CPQ: variants seen among roughly 807,000 people sequenced by gnomAD.
CPQ encodes the protein Ser-Met dipeptidase.
Under a neutral mutation model 45.7 loss-of-function variants are expected in CPQ, and 37 were observed. The observed-to-expected ratio is 0.81, with a 90% CI of 0.62 to 1.07. The LOEUF (loss-of-function observed/expected upper bound fraction) is 1.07. Ranked by LOEUF, CPQ falls within the 50% of genes least tolerant of loss-of-function variation. The probability of loss-of-function intolerance (pLI) is 0.00; values close to 1 mark genes in which losing one functional copy is unlikely to be tolerated. For synonymous variants in CPQ, 186 were observed against 205.8 expected (o/e 0.90, Z 0.82); for missense variants, 537 against 572.9 (o/e 0.94, Z 0.64).
chr8:97,122,941 T>TA (rs1231052303), intron 7 of CPQ, among the ~76,000 whole-genome samples: 2 of 50,034 alleles, frequency 4.0e-5, no homozygotes, highest in East Asian at 7.5e-4. Flanking sequence ...TAAAATAAAA[T>TA]AAAATAAAAT....
chr8:96,880,499 T>A (rs1812206217), intron 4 of CPQ, among the ~76,000 whole-genome samples: 1 of 133,730 alleles, frequency 7.5e-6, no homozygotes, highest in Non-Finnish European at 1.6e-5. Flanking sequence ...GTGGGCTGGC[T>A]AAAAAACAAA....
chr8:96,965,229 A>T lies in CPQ; in HGVS notation c.850-706A>T, dbSNP rs1669628905. Among the ~76,000 whole-genome samples the T allele has an allele frequency of 2.6e-5, 4 of 152,242 alleles. No individual in the cohort carries two copies. The East Asian group carries it at 7.7e-4, about 29-fold the overall frequency. On this transcript the variant is annotated intron_variant, in intron 4 of 7. Transcript: ENST00000220763. ...CTCATTTTCTCATTTAAATCAATTC[A>T]ACACATGTTTATTACGTTTCTTCTA...
chr8:97,099,026 AT>A (rs1811255667), intron 7 of CPQ, among the ~76,000 whole-genome samples: 1 of 141,438 alleles, frequency 7.1e-6, no homozygotes, highest in African/African-American at 2.6e-5. Flanking sequence ...GCAACCCGGT[AT>A]TTTTTTCACC....
At chr8:96,870,919 A>G (rs1368928699) in intron 3 of CPQ, among the ~76,000 whole-genome samples, 1 of 152,058 alleles carries the variant, frequency 6.6e-6, no homozygotes, top group Admixed American at 6.6e-5. Context: ...AACAGGAAGA[A>G]GAAAACCACT....
At chr8:97,046,944 G>A (rs1051810557) in intron 6 of CPQ, among the ~76,000 whole-genome samples, 5 of 152,094 alleles carry the variant, frequency 3.3e-5, no homozygotes, top group South Asian at 2.1e-4. Context: ...TTTTTTCCAC[G>A]TAAGGAAAAG....
chr8:97,142,962 G>T, intron 7 of CPQ, 58 bp from the exon 8 acceptor site: 1 of 1,540,712 alleles, frequency 6.5e-7, no homozygotes, highest in Non-Finnish European at 8.9e-7. Context: ...GGAGAGGTGT[G>T]TATTCAGCAG....
intron 3 of CPQ, among the ~76,000 whole-genome samples, chr8:96,848,592 G>T (rs1206868215): frequency 6.6e-6 from 1 of 152,142 alleles, no homozygotes; most frequent in Non-Finnish European, 1.5e-5. Flanking sequence ...CCTGTAGTAT[G>T]GTTGATCATA....
chr8:96,902,656 A>T (rs1183087346), intron 4 of CPQ, among the ~76,000 whole-genome samples: 1 of 152,106 alleles, frequency 6.6e-6, no homozygotes, highest in Non-Finnish European at 1.5e-5. Flanking sequence ...GTCTGCTACT[A>T]TGTATCTCGG....
intron 4 of CPQ, among the ~76,000 whole-genome samples, chr8:96,946,125 C>G (rs1813184369): frequency 6.6e-6 from 1 of 152,144 alleles, no homozygotes; most frequent in Non-Finnish European, 1.5e-5. Context: ...GGTTATCCAG[C>G]TCCTCTTGCA....
chr8:96,809,679 A>G (rs899944390), intron 2 of CPQ, among the ~76,000 whole-genome samples: 9 of 152,088 alleles, frequency 5.9e-5, no homozygotes, highest in Non-Finnish European at 7.4e-5. Flanking sequence ...ACATGATTCT[A>G]TATGTATTTG....
At chr8:96,880,847 G>A (rs963738945) in intron 4 of CPQ, among the ~76,000 whole-genome samples, 6 of 151,792 alleles carry the variant, frequency 4.0e-5, no homozygotes, top group East Asian at 3.9e-4. Flanking sequence ...TTTGGGTGAC[G>A]GGTTCAACTG....
intron 1 of CPQ, among the ~76,000 whole-genome samples, chr8:96,650,773 A>G (rs977424820): frequency 1.3e-5 from 2 of 152,244 alleles, no homozygotes; most frequent in Non-Finnish European, 2.9e-5. Flanking sequence ...AGCACTGATT[A>G]TGCTATATAC....
intron 4 of CPQ, among the ~76,000 whole-genome samples, chr8:96,945,484 A>G (rs1013109533): frequency 4.3e-4 from 65 of 152,264 alleles, no homozygotes; most frequent in African/African-American, 1.5e-3. Context: ...ATTGACAACT[A>G]TATTTTAAAA....
intron 1 of CPQ, among the ~76,000 whole-genome samples, chr8:96,666,178 C>T (rs1808922585): frequency 6.6e-6 from 1 of 152,032 alleles, no homozygotes; most frequent in East Asian, 1.9e-4. Flanking sequence ...GTACCTAGCC[C>T]TGTGGTTATA....
intron 7 of CPQ, among the ~76,000 whole-genome samples, chr8:97,081,690 A>G (rs943872831): frequency 2.0e-5 from 3 of 152,150 alleles, no homozygotes; most frequent in Non-Finnish European, 4.4e-5. Context: ...AGCCCTAGCG[A>G]TAGTGGCTGA....
intron 2 of CPQ, among the ~76,000 whole-genome samples, chr8:96,807,302 C>A (rs1007334671): frequency 6.6e-6 from 1 of 152,058 alleles, no homozygotes; most frequent in Non-Finnish European, 1.5e-5. Context: ...GTGGTGCAAT[C>A]TCCTCACTGC....
In CPQ at chr8:96,819,554, C is replaced by G. The variant is rs529692496; in HGVS notation, c.434-15419C>G. On this transcript the variant is annotated intron_variant, in intron 2 of 7. Coordinates refer to ENST00000220763, the MANE Select transcript of CPQ (RefSeq NM_016134.4). ...GCCCTTGTTTGATGAGCAGAATGAG[C>G]AGGAGCATCATTGTGGTGGAGAAGG... 9.9e-5 allele frequency among the ~76,000 whole-genome samples: 15 copies of G among 152,192 alleles called. No homozygotes were observed. The East Asian group carries it at 2.3e-3, about 24-fold the overall frequency.
At chr8:97,043,101 T>C (rs1305495832) in intron 6 of CPQ, among the ~76,000 whole-genome samples, 3 of 152,150 alleles carry the variant, frequency 2.0e-5, no homozygotes, top group East Asian at 1.9e-4. Context: ...AAGTCTCCCA[T>C]TATTAATGTG....
intron 5 of CPQ, among the ~76,000 whole-genome samples, chr8:96,976,830 C>T (rs530895202): frequency 6.6e-6 from 1 of 152,218 alleles, no homozygotes; most frequent in East Asian, 1.9e-4. Context: ...TCATCTCTTA[C>T]CTTACATAAA....
Sources: gnomAD v4.1 joint callset for allele counts (sites outside exome capture counted in the v4.1 genomes callset) on GRCh38, gnomAD v4.1.1 for gene constraint, MANE v1.5 for transcripts, NCBI Gene and HGNC (gene_info 2026-07-23, HGNC 2026-07-21) for gene names.